Variants in TBC1D14 observed in about 807,000 individuals in gnomAD.
The protein encoded by TBC1D14 is TBC1 domain family member 14.
TBC1D14 carries 26 observed loss-of-function variants against 79.0 expected under a neutral mutation model. The ratio of observed to expected loss-of-function variants is 0.33; its 90% CI spans 0.24 to 0.46. TBC1D14 has a LOEUF of 0.46. TBC1D14 is among the 20% of genes least tolerant of loss of function. The pLI is 1.00. For synonymous variants in TBC1D14, 394 were observed against 349.9 expected (o/e 1.13, Z -1.40); for missense variants, 769 against 887.6 (o/e 0.87, Z 1.70).
intron 3 of TBC1D14, among the ~76,000 whole-genome samples, chr4:6,984,022 A>G (rs1193407764): frequency 2.8e-4 from 43 of 151,938 alleles, no homozygotes; most frequent in Admixed American, 2.8e-3. Context: ...AAGGAATAGG[A>G]ATTCAGGAAC....
intron 2 of TBC1D14, among the ~76,000 whole-genome samples, chr4:6,945,886 C>T (rs899064928): frequency 6.0e-5 from 9 of 150,648 alleles, no homozygotes; most frequent in Non-Finnish European, 1.3e-4. Context: ...ACCTGGCAAA[C>T]TTAACAAAGA....
intron 1 of TBC1D14, among the ~76,000 whole-genome samples, chr4:6,920,342 T>C (rs1283488595): frequency 1.3e-5 from 2 of 149,492 alleles, no homozygotes; most frequent in Admixed American, 1.3e-4. Context: ...TGATCATAGC[T>C]CATTGCTATG....
intron 3 of TBC1D14, among the ~76,000 whole-genome samples, chr4:6,982,825 G>A (rs1364151325): frequency 1.3e-5 from 2 of 152,140 alleles, no homozygotes; most frequent in East Asian, 3.9e-4. Context: ...TGTATAGTGT[G>A]GTCTATGTGG....
At chr4:6,927,502 T>A (rs1371538786) in intron 2 of TBC1D14, among the ~76,000 whole-genome samples, 1 of 152,214 alleles carries the variant, frequency 6.6e-6, no homozygotes, top group Non-Finnish European at 1.5e-5. Context: ...CTTTCTGTGG[T>A]TCTAACAGAA....
intron 3 of TBC1D14, chr4:6,987,078 G>C: frequency 7.8e-6 from 5 of 641,100 alleles, no homozygotes; most frequent in Non-Finnish European, 9.7e-6. Context: ...GGACGCCCCA[G>C]CCCCGCCCCT....
At chr4:7,014,720 C>T (rs1027785616) in intron 12 of TBC1D14, among the ~76,000 whole-genome samples, 163 bp downstream of exon 12, 6 of 152,230 alleles carry the variant, frequency 3.9e-5, no homozygotes, top group African/African-American at 1.4e-4. Flanking sequence ...ATCAGTGCCT[C>T]CGCCTGGCCC....
At chr4:6,990,970 G>A (rs1718430769) in intron 3 of TBC1D14, among the ~76,000 whole-genome samples, 1 of 152,184 alleles carries the variant, frequency 6.6e-6, no homozygotes, top group Non-Finnish European at 1.5e-5. Flanking sequence ...AAGTTGGTTT[G>A]TCTGGCCTGG....
chr4:6,975,435 C>T (rs1313875669), intron 3 of TBC1D14, among the ~76,000 whole-genome samples: 3 of 152,042 alleles, frequency 2.0e-5, no homozygotes, highest in Non-Finnish European at 4.4e-5. Context: ...GTCTTGAACT[C>T]CTGGATTCAA....
At chr4:6,957,709 C>G (rs558186128) in intron 2 of TBC1D14, among the ~76,000 whole-genome samples, 2 of 152,110 alleles carry the variant, frequency 1.3e-5, no homozygotes, top group African/African-American at 2.4e-5. Flanking sequence ...CCCAGGAGTT[C>G]GAGACCGGCC....
intron 3 of TBC1D14, among the ~76,000 whole-genome samples, chr4:6,986,955 AT>A (rs1235576819): frequency 3.3e-5 from 5 of 152,134 alleles, no homozygotes; most frequent in African/African-American, 7.2e-5. Context: ...TTTTTGTGCA[AT>A]TTCTTTTGGC....
chr4:6,956,869 G>A (rs993612182), intron 2 of TBC1D14, among the ~76,000 whole-genome samples: 7 of 152,248 alleles, frequency 4.6e-5, no homozygotes, highest in Non-Finnish European at 7.3e-5. Context: ...GTTCCTCACC[G>A]CTCCATTTGC....
intron 3 of TBC1D14, among the ~76,000 whole-genome samples, chr4:6,968,488 A>C (rs1715899908): frequency 6.6e-6 from 1 of 152,238 alleles, no homozygotes; most frequent in Non-Finnish European, 1.5e-5. Flanking sequence ...AGTTTACCAA[A>C]GAAGCACTGA....
chr4:7,024,908 A>T (rs2109315004), intron 12 of TBC1D14, 96 bp from the exon 13 acceptor site: 1 of 1,526,624 alleles, frequency 6.6e-7, no homozygotes, highest in South Asian at 1.3e-5. Flanking sequence ...GAAAGTGACT[A>T]GGGGAGTGTT....
intron 3 of TBC1D14, among the ~76,000 whole-genome samples, chr4:6,976,278 T>A (rs183088807): frequency 1.6e-4 from 24 of 152,088 alleles, no homozygotes; most frequent in Admixed American, 1.6e-3. Context: ...TGGCTGAATA[T>A]CTCCCACATT....
In TBC1D14 at chr4:6,920,874, G is replaced by C. The variant is rs922144111; in HGVS notation, c.-17-2499G>C. Among the ~76,000 whole-genome samples the C allele has an allele frequency of 4.6e-5, 7 of 152,264 alleles. No individual in the cohort carries two copies. The East Asian group carries it at 1.4e-3, about 30-fold the overall frequency. ...GCTCACTGCAACCTCCACCTCCCGA[G>C]TTCAAGCAATTCTCCTTCCTCAGCC... On this transcript the variant is annotated intron_variant, in intron 1 of 13. Transcript: ENST00000409757.
intron 2 of TBC1D14, among the ~76,000 whole-genome samples, chr4:6,936,079 C>T (rs1321747815): frequency 2.6e-5 from 4 of 152,224 alleles, no homozygotes; most frequent in Non-Finnish European, 5.9e-5. Flanking sequence ...CTCATGTGCA[C>T]AGCCTCCCCT....
chr4:6,967,383 C>T lies in TBC1D14; in HGVS notation c.802C>T (p.Leu268Phe), dbSNP rs767950756. ...LGWKLFGKAPLRENAQKDSKR... is the reference protein window; with the variant it reads ...LGWKLFGKAPFRENAQKDSKR... The stretch of plus-strand genomic sequence containing the variant: ...ATGGAAGTTATTTGGGAAAGCGCCA[C>T]TCCGAGAGAATGCCCAGAAGGATTC... The change falls in exon 3 of 14, where the codon CTC becomes TTC. Residue 268 changes from leucine (L) to phenylalanine (F), a missense_variant. Physicochemically the swap from Leu to Phe is conservative, Grantham distance 22. Around this residue, in one of 2 missense-constraint regions of TBC1D14, gnomAD observed 402 missense variants for 393.2 expected, o/e 1.02. Transcript: ENST00000409757. 6.8e-6 allele frequency: 11 copies of T among 1,613,982 alleles called. No homozygotes were observed. The Admixed American group carries it at 1.8e-4, about 27-fold the overall frequency.
intron 1 of TBC1D14, among the ~76,000 whole-genome samples, chr4:6,916,416 G>C (rs1723407284): frequency 6.6e-6 from 1 of 152,154 alleles, no homozygotes; most frequent in African/African-American, 2.4e-5. Flanking sequence ...TTTCCCCTGT[G>C]GGAACACACC....
chr4:7,015,825 C>T (rs1332884403), intron 12 of TBC1D14, among the ~76,000 whole-genome samples: 1 of 152,186 alleles, frequency 6.6e-6, no homozygotes, highest in African/African-American at 2.4e-5. Context: ...CAGTGATTCA[C>T]CCCACAGGGT....
Sources: gnomAD v4.1 joint callset for allele counts (sites outside exome capture counted in the v4.1 genomes callset) on GRCh38, gnomAD v4.1.1 for gene constraint, gnomAD v4.1.1 regional missense constraint, MANE v1.5 for transcripts, NCBI Gene and HGNC (gene_info 2026-07-23, HGNC 2026-07-21) for gene names.